Variants in PP2D1 observed in about 807,000 individuals in gnomAD.
The protein encoded by PP2D1 is protein phosphatase 2C-like domain-containing protein 1.
In PP2D1, 25 loss-of-function variants were observed where a neutral mutation model predicts 30.2. The observed-to-expected ratio is 0.83, with a 90% CI of 0.60 to 1.16. The LOEUF (loss-of-function observed/expected upper bound fraction) is 1.16. PP2D1 is among the 50% of genes most tolerant of loss of function. PP2D1 has a pLI of 0.00. For missense variants in PP2D1, 760 were observed against 742.4 expected (o/e 1.02, Z -0.28); for synonymous variants, 260 against 258.9 (o/e 1.00, Z -0.04).
chr3:20,012,032 A>G lies in PP2D1; in HGVS notation c.23+18T>C. ...ATTGGCTATACGTATTATCCAAAAA[A>G]GATTTAAGAAAGTTTACCTTAAAGC... is the stretch of plus-strand genomic sequence containing the variant. On this transcript the variant is annotated intron_variant, in intron 1 of 2. Transcript: ENST00000389050. 6.6e-7 allele frequency: 1 copy of G among 1,522,568 alleles called. No homozygotes were observed. Among genetic ancestry groups the G allele is most frequent in the Non-Finnish European group, 8.8e-7 (1 of 1,135,708 alleles). 94.3% of individuals were successfully genotyped at this position (1,522,568 alleles called of 1,614,324 possible).
Position 20,012,145 on chromosome 3 carries a change from AGTGATG to A in PP2D1, c.-79_-74del. The A allele has an allele frequency of 8.0e-7, 1 of 1,253,860 alleles. No individual in the cohort carries two copies. Among genetic ancestry groups the A allele is most frequent in the Middle Eastern group, 1.9e-4 (1 of 5,384 alleles). The allele number at this position is 1,253,860 out of a possible 1,614,324, so 77.7% of individuals were successfully genotyped here. A position where few individuals can be genotyped will look rare whatever the true frequency, so the allele number is the denominator to read the frequency against. ...TGGCCTCTATTTCTCCAACTTGAGT[AGTGATG>A]GTGATGGTGGAGGTAGAGGTGAATG... On this transcript the variant is annotated 5_prime_UTR_variant, in exon 1 of 3. Transcript: ENST00000389050.
downstream of PP2D1, chr3:19,984,053 C>T (rs1696984964): frequency 2.1e-6 from 1 of 471,178 alleles, no homozygotes; most frequent in Non-Finnish European, 3.9e-6. Flanking sequence ...TATGTGGACA[C>T]TTGTTTCATT....
chr3:20,002,603 G>C (rs1486043262), intron 1 of PP2D1, among the ~76,000 whole-genome samples: 1 of 152,200 alleles, frequency 6.6e-6, no homozygotes, highest in Non-Finnish European at 1.5e-5. Context: ...CAAACCTACT[G>C]TGCTGCCAGT....
At chr3:20,010,988 C>T (rs1697378879) in intron 1 of PP2D1, among the ~76,000 whole-genome samples, 1 of 152,060 alleles carries the variant, frequency 6.6e-6, no homozygotes. Flanking sequence ...TGAAACAGGT[C>T]AGGTGGAGCC....
chr3:20,010,528 C>T (rs62241333), intron 1 of PP2D1, among the ~76,000 whole-genome samples: 30,729 of 151,858 alleles, frequency 0.2, 4,055 homozygotes, highest in Non-Finnish European at 0.29. Flanking sequence ...ATAGGCCAGG[C>T]GCAGTGGCTC....
rs751809716 is a variant in PP2D1 at position 19,986,160 on chromosome 3, G to T, written c.1113C>A (p.Cys371Ter). Residue 371 changes from cysteine (C) to a stop codon, truncating the protein, a stop_gained, in exon 3 of 3, where the codon TGC becomes TGA. Transcript: ENST00000389050. LOFTEE classifies it low-confidence loss of function (END_TRUNC). ...ANTGNVQAVLCRNGKGFCLTK... is the reference protein window; with the variant it reads ...ANTGNVQAVL ...TTAGGCAAAAACCTTTCCCATTTCT[G>T]CATAAGACTGCTTGCACATTACCTA... 3.3e-6 allele frequency: 5 copies of T among 1,504,940 alleles called. No individual in the cohort carries two copies. The South Asian group carries it at 6.4e-5, about 19-fold the overall frequency. The allele number at this position is 1,504,940 out of a possible 1,614,324, so 93.2% of individuals were successfully genotyped here. A position where few individuals can be genotyped will look rare whatever the true frequency, so the allele number is the denominator to read the frequency against.
At chr3:19,986,291 G>T in intron 2 of PP2D1, 109 bp from the exon 3 acceptor site, 1 of 756,452 alleles carries the variant, frequency 1.3e-6, no homozygotes, top group Non-Finnish European at 2.0e-6. Context: ...TAAACAGAAA[G>T]CAGGCTATGT....
chr3:19,984,363 A>G, downstream of PP2D1: 1 of 368,510 alleles, frequency 2.7e-6, no homozygotes, highest in South Asian at 2.0e-5. Flanking sequence ...CACATATACA[A>G]GGTCAGGGGT....
rs1272111570 is a variant in PP2D1, at chr3:20,001,951, C to A, written c.169G>T (p.Val57Phe). ...GGTAATGTGGTCCCTTGCTCATAGA[C>A]CTGCTCCTCTTCATGGCGTTTGGTG... ...RHTKRHEEEQ[V>F]YEQGTTLPCS... The change falls in exon 2 of 3, where the codon GTC (valine) becomes TTC (phenylalanine). Residue 57 changes from valine (V) to phenylalanine (F), a missense_variant. This residue lies in a region of PP2D1 where 374 missense variants were observed against 388.8 expected (regional missense o/e 0.96). Coordinates refer to ENST00000389050, the MANE Select transcript of PP2D1 (RefSeq NM_001252657.2). 3.3e-6 allele frequency: 5 copies of A among 1,536,304 alleles called. No homozygotes were observed. The East Asian group carries it at 1.2e-4, about 38-fold the overall frequency.
intron 2 of PP2D1, among the ~76,000 whole-genome samples, chr3:19,999,391 A>G (rs1697224395): frequency 7.3e-6 from 1 of 136,308 alleles, no homozygotes; most frequent in African/African-American, 2.8e-5. Context: ...TTTATTTTTT[A>G]TTTTTTTGGA....
chr3:19,979,990 C>T (rs562840775), exon 4 of PP2D1: 34 of 152,164 alleles, frequency 2.2e-4, no homozygotes, highest in Non-Finnish European at 4.1e-4. Flanking sequence ...TATTATTTTT[C>T]ACTAGGTGAC....
At position 20,000,142 on chromosome 3, in the gene PP2D1, T is replaced by C. The variant is rs527977073; in HGVS notation, c.1090+888A>G. On this transcript the variant is annotated intron_variant, in intron 2 of 2. Transcript: ENST00000389050. Reference sequence around the variant, plus strand: ...CCCCTTAAGAGGTAACATGATATGGTAGGACTGATTTCCAACTCCAATTCC... The same window carrying C: ...CCCCTTAAGAGGTAACATGATATGGCAGGACTGATTTCCAACTCCAATTCC... 7.2e-5 allele frequency among the ~76,000 whole-genome samples: 11 copies of C among 152,336 alleles called. No homozygotes were observed. In the South Asian group the frequency reaches 8.3e-4, roughly 11 times the overall value.
chr3:20,001,629 C>T lies in PP2D1; in HGVS notation c.491G>A (p.Cys164Tyr). 2 of 1,536,256 alleles carry T rather than the reference C, an allele frequency of 1.3e-6. No homozygotes were observed. The highest frequency in any genetic ancestry group is 1.7e-6 in the Non-Finnish European group (2 of 1,146,848). ...DRSVIYSQKI[C>Y]HLLIKGVGIC... Reference sequence around the variant, plus strand: ...GCCCACTCCTTTAATTAACAGATGACATATTTTTTGAGAATATATGACACT... The same window carrying T: ...GCCCACTCCTTTAATTAACAGATGATATATTTTTTGAGAATATATGACACT... The change falls in exon 2 of 3, where the codon TGT (cysteine) becomes TAT (tyrosine). Residue 164 changes from cysteine to tyrosine, a missense_variant. Physicochemically the swap from Cys to Tyr is radical, Grantham distance 194. This residue lies in a region of PP2D1 where 374 missense variants were observed against 388.8 expected (regional missense o/e 0.96). Coordinates refer to ENST00000389050, the MANE Select transcript of PP2D1 (RefSeq NM_001252657.2).
intron 1 of PP2D1, among the ~76,000 whole-genome samples, chr3:20,004,807 T>C (rs977618009): frequency 2.0e-5 from 3 of 152,112 alleles, no homozygotes; most frequent in African/African-American, 7.2e-5. Context: ...ATTTTAAAAC[T>C]TGATAAAAAT....
rs539848586 is a variant in PP2D1 at position 19,985,717 on chromosome 3, G to C, written c.1556C>G (p.Ser519Cys). The C allele has an allele frequency of 8.0e-5, 123 of 1,535,754 alleles. 3 individuals carry two copies. The South Asian group carries it at 1.5e-3, about 18-fold the overall frequency. The change falls in exon 3 of 3, where the codon TCT (serine) becomes TGT (cysteine). Residue 519 changes from serine (S) to cysteine (C), a missense_variant. Transcript: ENST00000389050. ...AGTTGACACACGTACTTCAGATACA[G>C]ATTTATACTGAAACAATACGTGGAT... is the stretch of plus-strand genomic sequence containing the variant. ...SNIHVLFQYK[S>C]VSEVRVSTTN...
downstream of PP2D1, chr3:19,984,262 A>G: frequency 2.3e-6 from 1 of 430,994 alleles, no homozygotes; most frequent in South Asian, 1.7e-5. Flanking sequence ...ATGCTTAGCC[A>G]TAGTATTCAG....
chr3:20,010,002 G>C (rs1393171243), intron 1 of PP2D1, among the ~76,000 whole-genome samples: 1 of 151,950 alleles, frequency 6.6e-6, no homozygotes, highest in African/African-American at 2.4e-5. Context: ...CACCAAAATA[G>C]AGTATAATAA....
At chr3:19,985,317 T>A, downstream of PP2D1, 2 of 1,143,694 alleles carry the variant, frequency 1.7e-6, no homozygotes, top group Non-Finnish European at 2.4e-6. Context: ...ATCATCCTAA[T>A]AGCTGGATCA....
chr3:19,999,545 ATTT>A (rs35816290), intron 2 of PP2D1, among the ~76,000 whole-genome samples: 1 of 139,576 alleles, frequency 7.2e-6, no homozygotes, highest in East Asian at 2.1e-4. Context: ...CGCCTGGCTA[ATTT>A]TTTTTTTTTT....
Sources: gnomAD v4.1 joint callset for allele counts (sites outside exome capture counted in the v4.1 genomes callset) on GRCh38, gnomAD v4.1.1 for gene constraint, gnomAD v4.1.1 regional missense constraint, MANE v1.5 for transcripts, NCBI Gene and HGNC (gene_info 2026-07-23, HGNC 2026-07-21) for gene names.